The following MYO10 variants were observed in gnomAD, a reference collection of about 807,000 sequenced individuals.
MYO10 encodes the protein unconventional myosin-X.
Under a neutral mutation model 257.3 loss-of-function variants are expected in MYO10, and 133 were observed. The ratio of observed to expected loss-of-function variants is 0.52; its 90% CI spans 0.45 to 0.60. MYO10 has a LOEUF of 0.60. Among genes scored for constraint, MYO10 ranks in the 20% least tolerant of loss-of-function variants. The pLI is 0.00. For missense variants in MYO10, 2,399 were observed against 2,635.7 expected (o/e 0.91, Z 1.97); for synonymous variants, 1,104 against 1,028.6 (o/e 1.07, Z -1.40).
intron 3 of MYO10, among the ~76,000 whole-genome samples, chr5:16,798,063 C>G (rs1055665673): frequency 3.3e-5 from 5 of 152,204 alleles, no homozygotes; most frequent in Non-Finnish European, 4.4e-5. Context: ...CATGCATTCT[C>G]TCTGTCTCAC....
chr5:16,706,267 A>G (rs1240402127), intron 21 of MYO10, among the ~76,000 whole-genome samples: 1 of 150,138 alleles, frequency 6.7e-6, no homozygotes, highest in East Asian at 1.9e-4. Context: ...ACTCATATAT[A>G]CACATATATA....
At chr5:16,847,672 G>C (rs1362436276) in intron 2 of MYO10, among the ~76,000 whole-genome samples, 2 of 152,232 alleles carry the variant, frequency 1.3e-5, no homozygotes, top group African/African-American at 4.8e-5. Context: ...TGAGACTGGA[G>C]TGAGTCGTGA....
chr5:16,925,104 T>C (rs528309082), intron 1 of MYO10, among the ~76,000 whole-genome samples: 2 of 152,118 alleles, frequency 1.3e-5, no homozygotes, highest in Admixed American at 6.5e-5. Flanking sequence ...GTGCTGGGAT[T>C]ACAGGCATGA....
intron 9 of MYO10, among the ~76,000 whole-genome samples, chr5:16,776,001 T>C (rs532611798): frequency 3.3e-5 from 5 of 152,034 alleles, no homozygotes; most frequent in African/African-American, 4.8e-5. Flanking sequence ...ACTCAAGCCA[T>C]CCTCCCACCT....
intron 1 of MYO10, among the ~76,000 whole-genome samples, chr5:16,879,205 C>G (rs1744692875): frequency 6.6e-6 from 1 of 152,138 alleles, no homozygotes; most frequent in African/African-American, 2.4e-5. Flanking sequence ...TTCTCCCTCC[C>G]TCCCTTCCTA....
At chr5:16,729,091 G>C (rs1319519455) in intron 19 of MYO10, among the ~76,000 whole-genome samples, 1 of 152,110 alleles carries the variant, frequency 6.6e-6, no homozygotes, top group Admixed American at 6.5e-5. Flanking sequence ...CTGCTCTTTT[G>C]ACTCTTTGAG....
At position 16,810,987 on chromosome 5, in the gene MYO10, T is replaced by C. The variant is rs1434390358; in HGVS notation, c.279+7022A>G. Among the ~76,000 whole-genome samples the C allele has an allele frequency of 2.7e-5, 4 of 148,138 alleles. No homozygotes were observed. In the East Asian group the frequency reaches 6.1e-4, roughly 23 times the overall value. ...AGGAGACTGAGGCAGAAGAATTGCT[T>C]GAACCCAGGAGGCAGAGGTTGCAGT... On this transcript the variant is annotated intron_variant, in intron 3 of 40. Coordinates refer to ENST00000513610, the MANE Select transcript of MYO10 (RefSeq NM_012334.3).
Position 16,755,189 on chromosome 5 carries a change from G to A in MYO10, c.1849-281C>T, listed in dbSNP as rs933850604. Among the ~76,000 whole-genome samples the A allele has an allele frequency of 3.3e-5, 5 of 151,998 alleles. No homozygotes were observed. The South Asian group carries it at 6.2e-4, about 19-fold the overall frequency. On this transcript the variant is annotated intron_variant, in intron 18 of 40. Coordinates refer to ENST00000513610, the MANE Select transcript of MYO10 (RefSeq NM_012334.3). ...ATTTATTTATTTATTTATTTGAGAC[G>A]GAGTCTCGCTCTATCACCCAGGCTG...
chr5:16,741,181 G>C (rs1177938449), intron 19 of MYO10, among the ~76,000 whole-genome samples: 1 of 152,058 alleles, frequency 6.6e-6, no homozygotes, highest in Admixed American at 6.6e-5. Flanking sequence ...CCTCTACTTC[G>C]GGGAGTAAAG....
chr5:16,804,536 CA>C (rs1742214183), intron 3 of MYO10, among the ~76,000 whole-genome samples: 1 of 152,198 alleles, frequency 6.6e-6, no homozygotes. Flanking sequence ...TGTAAAATAA[CA>C]CCGGCAACCA....
chr5:16,786,867 AT>A (rs1741595827), intron 4 of MYO10, among the ~76,000 whole-genome samples: 1 of 82,472 alleles, frequency 1.2e-5, no homozygotes. Flanking sequence ...TGTCATTTTT[AT>A]TTAAAAAAAA....
At chr5:16,796,216 A>C (rs36196181) in intron 3 of MYO10, among the ~76,000 whole-genome samples, 55,136 of 119,610 alleles carry the variant, frequency 0.46, 15,252 homozygotes, top group South Asian at 0.6. Flanking sequence ...AAGAACAGAG[A>C]GAGAGCGAGA....
chr5:16,794,930 C>G (rs555265179), intron 3 of MYO10, 97 bp from the exon 4 acceptor site: 124 of 961,500 alleles, frequency 1.3e-4, no homozygotes, highest in East Asian at 5.1e-4. Flanking sequence ...GGGGGAAAGA[C>G]GTCTTCTGTC....
rs879648526 is a variant in MYO10, at chr5:16,760,982, A to AATTTATTT, written c.1739+474_1739+481dup. On this transcript the variant is annotated intron_variant, in intron 17 of 40. Transcript: ENST00000513610. ...TGCTTATATTATTATTATTATTATT[A>AATTTATTT]ATTTATTTATTTATTTATTTATTTT... Among the ~76,000 whole-genome samples the AATTTATTT allele has an allele frequency of 3.1e-3, 432 of 138,164 alleles. 2 individuals are homozygous for AATTTATTT. Among genetic ancestry groups the AATTTATTT allele is most frequent in the Non-Finnish European group, 5.5e-3 (360 of 64,974 alleles). 90.6% of individuals were successfully genotyped at this position (138,164 alleles called of 152,430 possible). A position where few individuals can be genotyped will look rare whatever the true frequency, so the allele number is the denominator to read the frequency against.
At position 16,705,901 on chromosome 5, in the gene MYO10, G is replaced by A. The variant is rs138508617; in HGVS notation, c.2170-1216C>T. 6.9e-3 allele frequency among the ~76,000 whole-genome samples: 1,052 copies of A among 152,034 alleles called. 4 individuals are homozygous for A. The highest frequency in any genetic ancestry group is 0.012 in the South Asian group (60 of 4,810). The stretch of plus-strand genomic sequence containing the variant: ...TATATATACAATATATATTCTGTTG[G>A]CCGGGCGCAGTGGCTCATGCCAGTA... On this transcript the variant is annotated intron_variant, in intron 21 of 40. Transcript: ENST00000513610.
intron 1 of MYO10, among the ~76,000 whole-genome samples, chr5:16,899,134 CA>C (rs60168960): frequency 0.14 from 14,598 of 103,130 alleles, 793 homozygotes; most frequent in East Asian, 0.35. Context: ...GACTCTGTCT[CA>C]AAAAAAAAAA....
intron 1 of MYO10, among the ~76,000 whole-genome samples, chr5:16,884,539 C>T (rs886073711): frequency 3.3e-5 from 5 of 152,076 alleles, no homozygotes; most frequent in Non-Finnish European, 7.3e-5. Flanking sequence ...AAGAAGTCAC[C>T]TGGTTTAGGA....
At position 16,662,514 on chromosome 5, in the gene MYO10, G is replaced by T. The variant is rs1364416604; in HGVS notation, c.*4178C>A. 1 of 151,680 alleles carries T rather than the reference G, an allele frequency of 6.6e-6. No individual in the cohort carries two copies. Among genetic ancestry groups the T allele is most frequent in the Admixed American group, 6.6e-5 (1 of 15,218 alleles). The allele number at this position is 151,680 out of a possible 1,614,324, so 9.4% of individuals were successfully genotyped here. A position where few individuals can be genotyped will look rare whatever the true frequency, so the allele number is the denominator to read the frequency against. ...AATGTTAATTTTCTGTGGAGACAGG[G>T]TCTTGTCATGTTGCCCAGACTGGTC... On this transcript the variant is annotated 3_prime_UTR_variant, in exon 41 of 41. Transcript: ENST00000513610.
chr5:16,931,236 T>A (rs1746287021), intron 1 of MYO10, among the ~76,000 whole-genome samples: 1 of 151,942 alleles, frequency 6.6e-6, no homozygotes, highest in Non-Finnish European at 1.5e-5. Context: ...GCACCATTGC[T>A]CTCCAGCCTG....
Sources: gnomAD v4.1 joint callset for allele counts (sites outside exome capture counted in the v4.1 genomes callset) on GRCh38, gnomAD v4.1.1 for gene constraint, MANE v1.5 for transcripts, NCBI Gene and HGNC (gene_info 2026-07-23, HGNC 2026-07-21) for gene names.